Variants in PRMT8 observed in about 807,000 individuals in gnomAD.
PRMT8 encodes protein arginine methyltransferase 8.
A neutral mutation model predicts 47.1 loss-of-function variants in PRMT8; 7 were observed. That is an observed-to-expected ratio of 0.15 (90% confidence interval 0.08 to 0.28). The LOEUF (loss-of-function observed/expected upper bound fraction) is 0.28. Among genes scored for constraint, PRMT8 ranks in the 10% least tolerant of loss-of-function variants. The pLI is 1.00. For synonymous variants in PRMT8, 188 were observed against 186.5 expected (o/e 1.01, Z -0.07); for missense variants, 237 against 505.4 (o/e 0.47, Z 5.09).
intron 7 of PRMT8, among the ~76,000 whole-genome samples, chr12:3,582,036 A>G (rs1016185683): frequency 6.6e-6 from 1 of 152,204 alleles, no homozygotes; most frequent in African/African-American, 2.4e-5. Context: ...TGTGGAACCA[A>G]CCAGGCATAC....
intron 4 of PRMT8, among the ~76,000 whole-genome samples, chr12:3,565,881 A>G (rs2137200724): frequency 6.6e-6 from 1 of 152,276 alleles, no homozygotes; most frequent in South Asian, 2.1e-4. Flanking sequence ...TGTTTCCTGC[A>G]GCTCCTAATA....
chr12:3,581,770 G>C (rs536679206), intron 7 of PRMT8, among the ~76,000 whole-genome samples: 1 of 152,240 alleles, frequency 6.6e-6, no homozygotes, highest in Non-Finnish European at 1.5e-5. Flanking sequence ...AGATGTCATG[G>C]CTACACACCC....
At chr12:3,555,711 C>T (rs905937591) in intron 4 of PRMT8, among the ~76,000 whole-genome samples, 1 of 152,176 alleles carries the variant, frequency 6.6e-6, no homozygotes, top group Non-Finnish European at 1.5e-5. Context: ...GGGGCTGCAG[C>T]AGGAACTGAG....
chr12:3,579,194 TG>T (rs1479623629), intron 7 of PRMT8, among the ~76,000 whole-genome samples: 9 of 152,172 alleles, frequency 5.9e-5, no homozygotes, highest in Admixed American at 5.9e-4. Flanking sequence ...CAAAATGACA[TG>T]TGGCAGTGAT....
chr12:3,386,726 T>A (rs1221255641), intron 1 of PRMT8, among the ~76,000 whole-genome samples: 1 of 152,062 alleles, frequency 6.6e-6, no homozygotes, highest in African/African-American at 2.4e-5. Flanking sequence ...TTTCTTTCTT[T>A]TTTTATGGAG....
chr12:3,488,481 T>G (rs1865342842), upstream of PRMT8, among the ~76,000 whole-genome samples: 1 of 152,196 alleles, frequency 6.6e-6, no homozygotes, highest in Admixed American at 6.5e-5. Context: ...TCTGAACCCC[T>G]TATCATCCCA....
rs374029854 is a variant in PRMT8, at chr12:3,569,438, A to C, written c.625-39A>C. 4.4e-5 allele frequency: 67 copies of C among 1,528,432 alleles called. No homozygotes were observed. The Middle Eastern group carries it at 1.0e-3, about 23-fold the overall frequency. 94.7% of individuals were successfully genotyped at this position (1,528,432 alleles called of 1,614,324 possible). A position where few individuals can be genotyped will look rare whatever the true frequency, so the allele number is the denominator to read the frequency against. ...AAAATGTGATGTCTTTGTCAGGTGAATAGATTACGAGACCCATTTCCCCAC... is the reference window on the plus strand; with the variant it reads ...AAAATGTGATGTCTTTGTCAGGTGACTAGATTACGAGACCCATTTCCCCAC... On this transcript the variant is annotated intron_variant, in intron 5 of 9. Transcript: ENST00000382622. This position sits in a 1 kb window ranked among gnomAD's most constrained non-coding sequence, Gnocchi z 8.2.
chr12:3,448,502 C>A (rs1299999832), intron 1 of PRMT8, among the ~76,000 whole-genome samples: 2 of 152,114 alleles, frequency 1.3e-5, no homozygotes, highest in Non-Finnish European at 2.9e-5. Context: ...TATCAGAATT[C>A]TCAACCTTGG....
At chr12:3,460,543 G>A (rs183674779) in intron 1 of PRMT8, among the ~76,000 whole-genome samples, 92 of 152,304 alleles carry the variant, frequency 6.0e-4, no homozygotes, top group African/African-American at 2.1e-3. Context: ...AGGTTTGCGG[G>A]AGGAAGAGAA....
intron 1 of PRMT8, among the ~76,000 whole-genome samples, chr12:3,519,699 TG>T (rs565525942): frequency 7.9e-5 from 12 of 152,200 alleles, no homozygotes; most frequent in African/African-American, 2.9e-4. Flanking sequence ...GCAGAAAGGC[TG>T]GGGGGCTACA....
At chr12:3,553,834 C>A in intron 4 of PRMT8, 120 bp downstream of exon 4, 1 of 889,350 alleles carries the variant, frequency 1.1e-6, no homozygotes, top group Non-Finnish European at 1.8e-6. Context: ...GTGGTGCACC[C>A]AGCTGAGGCC....
upstream of PRMT8, among the ~76,000 whole-genome samples, chr12:3,486,780 A>G (rs1865327371): frequency 6.6e-6 from 1 of 152,250 alleles, no homozygotes; most frequent in Admixed American, 6.5e-5. Flanking sequence ...GTATTATACT[A>G]AGAAAATGCC....
At chr12:3,491,030 G>C (rs1360735677), upstream of PRMT8, among the ~76,000 whole-genome samples, 1 of 152,142 alleles carries the variant, frequency 6.6e-6, no homozygotes, top group Non-Finnish European at 1.5e-5. Context: ...TAAGTTGTGT[G>C]CAGCGCCAGG....
chr12:3,566,178 GT>G lies in PRMT8; in HGVS notation c.482-2527del, dbSNP rs574529455. 3.1e-4 allele frequency among the ~76,000 whole-genome samples: 47 copies of G among 152,308 alleles called. No homozygotes were observed. In the East Asian group the frequency reaches 8.9e-3, roughly 29 times the overall value. On this transcript the variant is annotated intron_variant, in intron 4 of 9. Coordinates refer to ENST00000382622, the MANE Select transcript of PRMT8 (RefSeq NM_019854.5). The surrounding 1 kb of genome is among the most constrained non-coding windows in gnomAD (Gnocchi z 4.7). ...GCTTTGCATGCAAATGATTAGGCAG[GT>G]GAGTCATGCATATATTTGTCAGTTC...
chr12:3,444,538 T>C lies in PRMT8; in HGVS notation c.48+63096T>C, dbSNP rs141937427. Among the ~76,000 whole-genome samples, 564 of 152,362 alleles carry C rather than the reference T, an allele frequency of 3.7e-3. 2 individuals are homozygous for C. The highest frequency in any genetic ancestry group is 0.013 in the African/African-American group (547 of 41,590). On this transcript the variant is annotated intron_variant, in intron 1 of 9. Coordinates refer to the PRMT8 transcript ENST00000452611. ...GGTCATATTCTGTTTCTTCTAGGCA[T>C]GTTTTGTGATCAGCAAATGTTGAGC...
intron 1 of PRMT8, among the ~76,000 whole-genome samples, chr12:3,432,230 T>A (rs1173297479): frequency 6.6e-6 from 1 of 152,162 alleles, no homozygotes; most frequent in African/African-American, 2.4e-5. Flanking sequence ...ACAGCAGGCC[T>A]CACTGCAAGA....
chr12:3,589,807 A>G (rs958085499), intron 8 of PRMT8, among the ~76,000 whole-genome samples: 4 of 152,178 alleles, frequency 2.6e-5, no homozygotes, highest in Non-Finnish European at 5.9e-5. Context: ...ATGGCTGACA[A>G]ATCTGGGCCA....
Position 3,538,550 on chromosome 12 carries a change from A to G in PRMT8, c.76-2056A>G. The G allele has an allele frequency of 2.0e-6, 1 of 503,840 alleles. No homozygotes were observed. Among genetic ancestry groups the G allele is most frequent in the South Asian group, 1.5e-5 (1 of 68,916 alleles). 31.2% of individuals were successfully genotyped at this position (503,840 alleles called of 1,614,324 possible). A position where few individuals can be genotyped will look rare whatever the true frequency, so the allele number is the denominator to read the frequency against. Reference sequence around the variant, plus strand: ...AGCACATGGAAAAGAGAGCCTTGGAACCAGAGTGGAGTGACAGCTAAGGGG... The same window carrying G: ...AGCACATGGAAAAGAGAGCCTTGGAGCCAGAGTGGAGTGACAGCTAAGGGG... On this transcript the variant is annotated intron_variant, in intron 1 of 9. Transcript: ENST00000382622. This position sits in a 1 kb window ranked among gnomAD's most constrained non-coding sequence, Gnocchi z 4.6.
rs199976099 is a variant in PRMT8, at chr12:3,478,319, T to C, written c.49-62287T>C. 1.5e-3 allele frequency among the ~76,000 whole-genome samples: 169 copies of C among 114,494 alleles called. 1 individual carries two copies. Among genetic ancestry groups the C allele is most frequent in the Middle Eastern group, 5.3e-3 (1 of 188 alleles). 75.1% of individuals were successfully genotyped at this position (114,494 alleles called of 152,430 possible). On this transcript the variant is annotated intron_variant, in intron 1 of 9. Coordinates refer to the PRMT8 transcript ENST00000452611. ...ATCTATCTATCTATCTACCTACCTA[T>C]CTATCTGTCTGTCTATCTAATCATG...
Sources: gnomAD v4.1 joint callset for allele counts (sites outside exome capture counted in the v4.1 genomes callset) on GRCh38, gnomAD v4.1.1 for gene constraint, Gnocchi (gnomAD v3.1) non-coding constraint, MANE v1.5 for transcripts, NCBI Gene and HGNC (gene_info 2026-07-23, HGNC 2026-07-21) for gene names.